MLLT6: variants seen among roughly 807,000 people sequenced by gnomAD.
MLLT6 encodes the protein protein AF-17.
Under a neutral mutation model 103.0 loss-of-function variants are expected in MLLT6, and 22 were observed. The ratio of observed to expected loss-of-function variants is 0.21; its 90% CI spans 0.15 to 0.31. MLLT6 has a LOEUF of 0.31. Ranked by LOEUF, MLLT6 falls within the 10% of genes least tolerant of loss-of-function variation. The probability of loss-of-function intolerance (pLI) is 1.00; values close to 1 mark genes in which losing one functional copy is unlikely to be tolerated. For missense variants in MLLT6, 1,199 were observed against 1,441.7 expected, an observed-to-expected ratio of 0.83 and a Z score of 2.73; for synonymous variants, 606 against 623.5, an observed-to-expected ratio of 0.97 and a Z score of 0.42.
rs754571186 is a variant in MLLT6 at position 38,717,480 on chromosome 17, T to C, written c.1700T>C (p.Leu567Pro). The stretch of plus-strand genomic sequence containing the variant: ...CCCATCTCCCACAGTGGCGGGATGC[T>C]GCGGGCTGTCTGCAGCACCCCTCTC... ...KDPISHSGGM[L>P]RAVCSTPLSS... Residue 567 changes from leucine (L) to proline (P), a missense_variant, in exon 11 of 20, where the codon CTG becomes CCG. By Grantham distance (98) the Leu-to-Pro change is moderately conservative. This residue lies in a region of MLLT6 where 1,034 missense variants were observed against 1,091.5 expected (regional missense o/e 0.95). Transcript: ENST00000621332. The C allele has an allele frequency of 2.5e-6, 4 of 1,612,190 alleles. No homozygotes were observed. The highest frequency in any genetic ancestry group is 3.4e-6 in the Non-Finnish European group (4 of 1,179,486).
At position 38,716,026 on chromosome 17, in the gene MLLT6, A is replaced by G; in HGVS notation, c.1036+198A>G. On this transcript the variant is annotated intron_variant, in intron 9 of 19. Coordinates refer to ENST00000621332, the MANE Select transcript of MLLT6 (RefSeq NM_005937.4). The surrounding 1 kb of genome is among the most constrained non-coding windows in gnomAD (Gnocchi z 5.6). ...GAACCAGAACTCTCCTCTCCCCTTC[A>G]GGGGCCACCCCACCAACCTCATAAC... 1.6e-6 allele frequency: 1 copy of G among 623,874 alleles called. No homozygotes were observed. The highest frequency in any genetic ancestry group is 2.8e-6 in the Non-Finnish European group (1 of 357,254). 38.6% of individuals were successfully genotyped at this position (623,874 alleles called of 1,614,324 possible).
In MLLT6 at chr17:38,722,729, G is replaced by A; in HGVS notation, c.2844G>A (p.Gln948=). 1 of 1,583,540 alleles carries A rather than the reference G, an allele frequency of 6.3e-7. No individual in the cohort carries two copies. The highest frequency in any genetic ancestry group is 8.6e-7 in the Non-Finnish European group (1 of 1,167,018). ...TTCAGCAGCAAGAGCAGCAGCTCCA[G>A]CAACTCCAGCAGCTCCTGGCCTCCC... ...HLLQQQEQQL[Q]QLQQLLASPQ... is the part of the protein sequence containing the mutation. The change falls in exon 18 of 20, where the codon CAG becomes CAA. Residue 948 remains glutamine, a synonymous_variant. Transcript: ENST00000621332.
chr17:38,725,524 C>G (rs752213964), intron 19 of MLLT6, 33 bp from the exon 20 acceptor site: 2 of 1,604,364 alleles, frequency 1.2e-6, no homozygotes, highest in Non-Finnish European at 1.7e-6. Context: ...CTGACACTTT[C>G]CACACCCCCG....
At position 38,709,659 on chromosome 17, in the gene MLLT6, G is replaced by A. The variant is rs1905076130; in HGVS notation, c.552+84G>A. The A allele has an allele frequency of 9.3e-7, 1 of 1,071,218 alleles. No individual in the cohort carries two copies. 66.4% of individuals were successfully genotyped at this position (1,071,218 alleles called of 1,614,324 possible). A position where few individuals can be genotyped will look rare whatever the true frequency, so the allele number is the denominator to read the frequency against. On this transcript the variant is annotated intron_variant, in intron 6 of 19. Transcript: ENST00000621332. This position sits in a 1 kb window ranked among gnomAD's most constrained non-coding sequence, Gnocchi z 4.3. ...GGCATGGGCTCTGGGCCAGGCCAGT[G>A]CCTGGTGCTAGGAGGACAGAGAGGG...
At chr17:38,719,668 G>A (rs1905575134) in intron 13 of MLLT6, 82 bp from the exon 14 acceptor site, 3 of 1,570,810 alleles carry the variant, frequency 1.9e-6, no homozygotes, top group African/African-American at 2.7e-5. Flanking sequence ...GCGTGGGCTG[G>A]AACCCCTGGG....
chr17:38,717,765 C>T lies in MLLT6; in HGVS notation c.1834-80C>T, dbSNP rs982701590. 7.0e-5 allele frequency: 98 copies of T among 1,396,190 alleles called. No homozygotes were observed. In the Middle Eastern group the frequency reaches 1.1e-3, roughly 15 times the overall value. 86.5% of individuals were successfully genotyped at this position (1,396,190 alleles called of 1,614,324 possible). On this transcript the variant is annotated intron_variant, in intron 11 of 19. Transcript: ENST00000621332. ...GGACCCCTCTGCTCCCCAGCACACC[C>T]GGCCCCCTGCACCCCGGTACACACA...
At chr17:38,712,168 A>C in intron 7 of MLLT6, 154 bp downstream of exon 7, 3 of 949,440 alleles carry the variant, frequency 3.2e-6, no homozygotes, top group Non-Finnish European at 3.8e-6. Context: ...GCTGAAATGA[A>C]ACGGTGGGGG....
In MLLT6 at chr17:38,708,009, A is replaced by G. The variant is rs537867644; in HGVS notation, c.354+137A>G. On this transcript the variant is annotated intron_variant, in intron 4 of 19. Transcript: ENST00000621332. ...CTTGGGAGGTGGGTAGGTACCTACC[A>G]GTGAACCACCCTTCTGTTGACAGAC... The G allele has an allele frequency of 5.8e-5, 37 of 640,092 alleles. 1 individual carries two copies. In the South Asian group the frequency reaches 6.8e-4, roughly 12 times the overall value. The allele number at this position is 640,092 out of a possible 1,614,324, so 39.7% of individuals were successfully genotyped here.
At position 38,720,706 on chromosome 17, in the gene MLLT6, A is replaced by T. The variant is rs764989962; in HGVS notation, c.2401A>T (p.Ser801Cys). The part of the protein sequence containing the change: ...LSTSKSPPGK[S>C]SLGLDNSLST... ...CACCAGCAAGAGCCCTCCGGGAAAGAGCAGCCTCGGCCTGGACAACTCGCT... is the reference window on the plus strand; with the variant it reads ...CACCAGCAAGAGCCCTCCGGGAAAGTGCAGCCTCGGCCTGGACAACTCGCT... The change falls in exon 16 of 20, where the codon AGC (serine) becomes TGC (cysteine). Residue 801 changes from serine to cysteine, a missense_variant. Ser to Cys is a moderately radical substitution (Grantham distance 112, BLOSUM62 -1). Transcript: ENST00000621332. 6.2e-7 allele frequency: 1 copy of T among 1,613,874 alleles called. No homozygotes were observed. The highest frequency in any genetic ancestry group is 8.5e-7 in the Non-Finnish European group (1 of 1,180,032).
chr17:38,721,742 G>C (rs1013230553), intron 16 of MLLT6, 136 bp from the exon 17 acceptor site: 11 of 561,834 alleles, frequency 2.0e-5, no homozygotes, highest in African/African-American at 1.0e-4. Context: ...CCTCATCCCC[G>C]GACCTTGCTT....
chr17:38,716,652 C>G lies in MLLT6; in HGVS notation c.1322C>G (p.Thr441Ser), dbSNP rs1208385902. 2 of 1,613,674 alleles carry G rather than the reference C, an allele frequency of 1.2e-6. No homozygotes were observed. The highest frequency in any genetic ancestry group is 2.7e-5 in the African/African-American group (2 of 75,054). ...HVTGSGASAG[T>S]HKRMPALSAT... The stretch of plus-strand genomic sequence containing the variant: ...ACGGGGTCTGGGGCCTCGGCAGGCA[C>G]CCACAAACGGATGCCCGCACTGAGT... Residue 441 changes from threonine to serine, a missense_variant, in exon 10 of 20, where the codon ACC becomes AGC. By Grantham distance (58) the Thr-to-Ser change is moderately conservative (BLOSUM62 1). Transcript: ENST00000621332. The surrounding 1 kb of genome is among the most constrained non-coding windows in gnomAD (Gnocchi z 5.6).
At position 38,721,874 on chromosome 17, in the gene MLLT6, C is replaced by A; in HGVS notation, c.2443-4C>A. On this transcript the variant is annotated splice_polypyrimidine_tract_variant and splice_region_variant and intron_variant, in intron 16 of 19. Coordinates refer to ENST00000621332, the MANE Select transcript of MLLT6 (RefSeq NM_005937.4). ...TGACCCCTCCCTTCCCCCTCCCTCC[C>A]CAGGACCCACACTCAGGCTGCCCGA... 2 of 1,572,082 alleles carry A rather than the reference C, an allele frequency of 1.3e-6. No homozygotes were observed. Among genetic ancestry groups the A allele is most frequent in the East Asian group, 2.4e-5 (1 of 41,408 alleles).
In MLLT6 at chr17:38,726,734, C is replaced by T. The variant is rs1173186966; in HGVS notation, c.*1136C>T. The T allele has an allele frequency of 4.3e-6, 1 of 233,470 alleles. No homozygotes were observed. The highest frequency in any genetic ancestry group is 6.0e-5 in the East Asian group (1 of 16,604). 14.5% of individuals were successfully genotyped at this position (233,470 alleles called of 1,614,324 possible). On this transcript the variant is annotated 3_prime_UTR_variant, in exon 20 of 20. Coordinates refer to ENST00000621332, the MANE Select transcript of MLLT6 (RefSeq NM_005937.4). ...CTCTGGCACAAGGGGAGCCCCAGGG[C>T]TTGGGGGAGGGCGTAAGGTGGGGGG...
At chr17:38,714,266 G>A (rs1905239540) in intron 8 of MLLT6, 1 of 152,210 alleles carries the variant, frequency 6.6e-6, no homozygotes, top group Non-Finnish European at 1.5e-5. Context: ...TGGCTTGAAG[G>A]CTTGTGCTCT....
chr17:38,724,770 C>G lies in MLLT6; in HGVS notation c.3034C>G (p.Leu1012Val). 1.2e-6 allele frequency: 2 copies of G among 1,607,986 alleles called. No individual in the cohort carries two copies. The highest frequency in any genetic ancestry group is 1.7e-6 in the Non-Finnish European group (2 of 1,177,692). ...GCTGCTGTCTGCGGGTACCCCTGGC[C>G]TGCTGCCCACAGCGTCTGCTCCACC... is the stretch of plus-strand genomic sequence containing the variant. ...TPLLSAGTPG[L>V]LPTASAPPLL... is the part of the protein sequence containing the mutation. Residue 1012 changes from leucine (L) to valine (V), a missense_variant, in exon 19 of 20, where the codon CTG (leucine) becomes GTG (valine). Physicochemically the swap from Leu to Val is conservative, Grantham distance 32. Transcript: ENST00000621332. This position sits in a 1 kb window ranked among gnomAD's most constrained non-coding sequence, Gnocchi z 5.4.
chr17:38,717,513 G>T lies in MLLT6; in HGVS notation c.1733G>T (p.Ser578Ile). 1.2e-6 allele frequency: 2 copies of T among 1,613,266 alleles called. 1 individual carries two copies. Among genetic ancestry groups the T allele is most frequent in the South Asian group, 2.2e-5 (2 of 91,052 alleles). ...RAVCSTPLSS[S>I]LLGPPGTSAL... ...GTCTGCAGCACCCCTCTCTCCTCCA[G>T]CCTCCTGGGGCCCCCAGGGACCTCG... Residue 578 changes from serine (S) to isoleucine (I), a missense_variant, in exon 11 of 20, where the codon AGC becomes ATC. Around this residue, in one of 7 missense-constraint regions of MLLT6, gnomAD observed 1,034 missense variants for 1,091.5 expected, o/e 0.95. Transcript: ENST00000621332.
At position 38,717,916 on chromosome 17, in the gene MLLT6, T is replaced by C; in HGVS notation, c.1905T>C (p.Val635=). The C allele has an allele frequency of 1.2e-6, 2 of 1,613,804 alleles. No individual in the cohort carries two copies. The highest frequency in any genetic ancestry group is 1.7e-6 in the Non-Finnish European group (2 of 1,179,726). The change falls in exon 12 of 20, where the codon GTT becomes GTC. Residue 635 remains valine, a synonymous_variant. Coordinates refer to ENST00000621332, the MANE Select transcript of MLLT6 (RefSeq NM_005937.4). ...THIFGTPMGA[V]NPLLSQAESS... is the part of the protein sequence containing the mutation. ...TCTTTGGAACCCCCATGGGTGCCGT[T>C]AATCCCCTCCTCTCCCAAGCTGAGA...
At chr17:38,720,961 C>T (rs1320379813) in intron 16 of MLLT6, 3 of 596,530 alleles carry the variant, frequency 5.0e-6, no homozygotes, top group East Asian at 2.8e-5. Flanking sequence ...ACCGGCACAG[C>T]GCTGCTTCTT....
chr17:38,716,584 G>T lies in MLLT6; in HGVS notation c.1254G>T (p.Arg418=). ...RFSTTTSSSG[R]ARAPSPGDYK... ...CCACCACCACCTCCAGCTCAGGCCG[G>T]GCCCGGGCGCCCTCCCCTGGGGACT... is the stretch of plus-strand genomic sequence containing the variant. Residue 418 remains arginine, a synonymous_variant, in exon 10 of 20, where the codon CGG becomes CGT. Transcript: ENST00000621332. This position sits in a 1 kb window ranked among gnomAD's most constrained non-coding sequence, Gnocchi z 5.6. The T allele has an allele frequency of 1.2e-6, 2 of 1,614,034 alleles. No homozygotes were observed. The highest frequency in any genetic ancestry group is 1.7e-6 in the Non-Finnish European group (2 of 1,180,016).
Sources: allele counts gnomAD v4.1 joint callset, GRCh38; gene constraint gnomAD v4.1.1; regional missense constraint gnomAD v4.1.1; non-coding constraint Gnocchi (gnomAD v3.1); transcripts MANE v1.5; gene names NCBI Gene and HGNC (gene_info 2026-07-23, HGNC 2026-07-21).